The following CTNNB1 variants were observed in gnomAD, a reference collection of about 807,000 sequenced individuals.
The protein encoded by CTNNB1 is catenin beta-1.
A neutral mutation model predicts 82.5 loss-of-function variants in CTNNB1; 6 were observed. The ratio of observed to expected loss-of-function variants is 0.07; its 90% CI spans 0.04 to 0.14. The LOEUF (loss-of-function observed/expected upper bound fraction) is 0.14, where lower values mean the gene tolerates loss of function less well. CTNNB1 is among the 10% of genes least tolerant of loss of function. The pLI is 1.00. For missense variants in CTNNB1, 529 were observed against 980.4 expected, an observed-to-expected ratio of 0.54 and a Z score of 6.15; for synonymous variants, 312 against 329.7, an observed-to-expected ratio of 0.95 and a Z score of 0.58.
chr3:41,206,259 G>T (rs2077646941), intron 1 of CTNNB1, among the ~76,000 whole-genome samples: 1 of 152,110 alleles, frequency 6.6e-6, no homozygotes, highest in Non-Finnish European at 1.5e-5. Flanking sequence ...AAGTTAATCA[G>T]TCTACATGGC....
At chr3:41,232,712 T>C (rs1336605570) in intron 7 of CTNNB1, among the ~76,000 whole-genome samples, 1 of 152,120 alleles carries the variant, frequency 6.6e-6, no homozygotes, top group African/African-American at 2.4e-5. Context: ...ATAAAGTCCC[T>C]GACAGTAAGT....
At chr3:41,223,119 A>G (rs1278410763) in intron 1 of CTNNB1, among the ~76,000 whole-genome samples, 1 of 152,172 alleles carries the variant, frequency 6.6e-6, no homozygotes, top group African/African-American at 2.4e-5. Flanking sequence ...TTTATTCCAT[A>G]TCTTTACATA....
intron 1 of CTNNB1, among the ~76,000 whole-genome samples, chr3:41,206,660 A>C (rs1444284602): frequency 6.6e-6 from 1 of 151,992 alleles, no homozygotes; most frequent in African/African-American, 2.4e-5. Context: ...AAGTATAATT[A>C]AGTGGTTTTG....
At chr3:41,220,166 T>C (rs974071011) in intron 1 of CTNNB1, among the ~76,000 whole-genome samples, 1 of 152,108 alleles carries the variant, frequency 6.6e-6, no homozygotes, top group Non-Finnish European at 1.5e-5. Context: ...ACATACTAAT[T>C]TTTCCCAGCC....
intron 7 of CTNNB1, among the ~76,000 whole-genome samples, chr3:41,230,656 A>C (rs2078285548): frequency 6.6e-6 from 1 of 152,274 alleles, no homozygotes; most frequent in Non-Finnish European, 1.5e-5. Flanking sequence ...GGGGAGGGGA[A>C]TTGTCTAGAT....
In CTNNB1 at chr3:41,239,882, A is replaced by C. The variant is rs1051930657; in HGVS notation, c.*540A>C. 3.0e-5 allele frequency: 7 copies of C among 232,586 alleles called. No individual in the cohort carries two copies. Among genetic ancestry groups the C allele is most frequent in the Non-Finnish European group, 5.1e-5 (6 of 117,820 alleles). The allele number at this position is 232,586 out of a possible 1,614,324, so 14.4% of individuals were successfully genotyped here. A position where few individuals can be genotyped will look rare whatever the true frequency, so the allele number is the denominator to read the frequency against. On this transcript the variant is annotated 3_prime_UTR_variant, in exon 15 of 15. Coordinates refer to ENST00000349496, the MANE Select transcript of CTNNB1 (RefSeq NM_001904.4). ...AGTGAAGAATGCACAAGAATGGATC[A>C]CAAGATGGAATTTATCAAACCCTAG...
At chr3:41,203,511 A>T (rs1240180754) in intron 1 of CTNNB1, among the ~76,000 whole-genome samples, 1 of 152,214 alleles carries the variant, frequency 6.6e-6, no homozygotes, top group Non-Finnish European at 1.5e-5. Flanking sequence ...GATGAATTAC[A>T]GCAACTGAAA....
Position 41,224,572 on chromosome 3 carries a change from G to A in CTNNB1, c.60G>A (p.Ala20=), listed in dbSNP as rs1044865901. The change falls in exon 3 of 15, where the codon GCG becomes GCA. Residue 20 remains alanine, a synonymous_variant. Coordinates refer to ENST00000349496, the MANE Select transcript of CTNNB1 (RefSeq NM_001904.4). The stretch of plus-strand genomic sequence containing the variant: ...TGGCCATGGAACCAGACAGAAAAGC[G>A]GCTGTTAGTCACTGGCAGCAACAGT... ...LDMAMEPDRK[A]AVSHWQQQSY... is the part of the protein sequence containing the mutation. 4.3e-6 allele frequency: 7 copies of A among 1,613,832 alleles called. No homozygotes were observed. Among genetic ancestry groups the A allele is most frequent in the East Asian group, 2.2e-5 (1 of 44,874 alleles).
chr3:41,215,430 G>A (rs1430021741), intron 1 of CTNNB1, among the ~76,000 whole-genome samples: 1 of 139,862 alleles, frequency 7.1e-6, no homozygotes, highest in Non-Finnish European at 1.5e-5. Flanking sequence ...AATAATTGTT[G>A]TTAGCTCTCC....
intron 1 of CTNNB1, among the ~76,000 whole-genome samples, chr3:41,205,534 G>A (rs1017760653): frequency 6.6e-6 from 1 of 152,086 alleles, no homozygotes; most frequent in Non-Finnish European, 1.5e-5. Context: ...AAATTAGCCA[G>A]GCATGGTGGC....
intron 7 of CTNNB1, among the ~76,000 whole-genome samples, chr3:41,229,456 C>A (rs1033791514): frequency 6.6e-6 from 1 of 151,948 alleles, no homozygotes; most frequent in Non-Finnish European, 1.5e-5. Context: ...GTATTTTATT[C>A]TTTTTGTGGC....
intron 1 of CTNNB1, among the ~76,000 whole-genome samples, chr3:41,203,711 G>A (rs977999065): frequency 6.6e-6 from 1 of 152,044 alleles, no homozygotes; most frequent in Non-Finnish European, 1.5e-5. Flanking sequence ...ACATAGTGGT[G>A]GGCCATGATG....
At chr3:41,202,117 AG>A (rs2077545887) in intron 1 of CTNNB1, among the ~76,000 whole-genome samples, 2 of 152,260 alleles carry the variant, frequency 1.3e-5, no homozygotes, top group Non-Finnish European at 2.9e-5. Context: ...AGTTATAAGT[AG>A]CAGTGAAATT....
intron 1 of CTNNB1, among the ~76,000 whole-genome samples, chr3:41,200,723 C>A (rs141617929): frequency 7.2e-4 from 110 of 152,262 alleles, no homozygotes; most frequent in African/African-American, 2.6e-3. Context: ...GACTTTGAAC[C>A]GAGACTTTTC....
intron 6 of CTNNB1, among the ~76,000 whole-genome samples, chr3:41,226,980 C>G (rs1000877506): frequency 3.3e-5 from 5 of 152,020 alleles, no homozygotes; most frequent in African/African-American, 7.3e-5. Context: ...CAAACTGATA[C>G]ATTGTTTGGA....
intron 14 of CTNNB1, chr3:41,238,304 C>A (rs956670641): frequency 5.3e-6 from 3 of 566,186 alleles, no homozygotes; most frequent in Non-Finnish European, 9.5e-6. Context: ...CAAATACATG[C>A]TACTGCTAGG....
Position 41,240,426 on chromosome 3 carries a change from T to TAA in CTNNB1, c.*1086_*1087dup, listed in dbSNP as rs1018232584. ...GCGGTTATAAAAAATGGTTCAGAAT[T>TAA]AAACTTTTAATTCATTCGATTGTGT... On this transcript the variant is annotated 3_prime_UTR_variant, in exon 15 of 15. Transcript: ENST00000349496. 3.1e-4 allele frequency: 55 copies of TAA among 180,062 alleles called. No individual in the cohort carries two copies. The highest frequency in any genetic ancestry group is 1.3e-3 in the African/African-American group (55 of 42,514). The allele number at this position is 180,062 out of a possible 1,614,324, so 11.2% of individuals were successfully genotyped here.
chr3:41,234,367 C>A (rs1038876735), intron 10 of CTNNB1, 70 bp downstream of exon 10: 25 of 1,521,838 alleles, frequency 1.6e-5, no homozygotes, highest in Non-Finnish European at 2.3e-5. Context: ...TCCTGAACTT[C>A]TTTCTTTGGT....
rs11564438 is a variant in CTNNB1 at position 41,200,902 on chromosome 3, G to A, written c.-49+1232G>A. On this transcript the variant is annotated intron_variant, in intron 1 of 14. Transcript: ENST00000349496. ...TTCCCCCCACCCCTCGAGTTTGTGA[G>A]TGGTGAATGAAGAAAGACTAGGCTG... Among the ~76,000 whole-genome samples the A allele has an allele frequency of 1.1e-3, 164 of 152,322 alleles. 2 individuals are homozygous for A. In the South Asian group the frequency reaches 0.033, roughly 31 times the overall value.
Sources: allele counts gnomAD v4.1 joint callset (sites outside exome capture counted in the v4.1 genomes callset), GRCh38; gene constraint gnomAD v4.1.1; transcripts MANE v1.5; gene names NCBI Gene and HGNC (gene_info 2026-07-23, HGNC 2026-07-21).